Variants in TRPM6 observed in about 807,000 individuals in gnomAD.
The protein encoded by TRPM6 is channel kinase 2.
TRPM6 carries 111 observed loss-of-function variants against 247.6 expected under a neutral mutation model. The ratio of observed to expected loss-of-function variants is 0.45; its 90% CI spans 0.38 to 0.52. The LOEUF is 0.52. TRPM6 is among the 20% of genes least tolerant of loss of function. The pLI, the probability that TRPM6 is intolerant of heterozygous loss-of-function variation, is 0.00. For missense variants in TRPM6, 2,126 were observed against 2,421.5 expected (o/e 0.88, Z 2.56); for synonymous variants, 892 against 853.8 (o/e 1.04, Z -0.78).
Position 74,748,029 on chromosome 9 carries a change from A to T in TRPM6, c.5058-115T>A, listed in dbSNP as rs1826111875. ...AACACAAAGTATATATTTTATATAC[A>T]TGTGAAATACATATACAGTCATGTA... On this transcript the variant is annotated intron_variant, in intron 30 of 38. Coordinates refer to ENST00000360774, the MANE Select transcript of TRPM6 (RefSeq NM_017662.5). 10 of 964,454 alleles carry T rather than the reference A, an allele frequency of 1.0e-5. No homozygotes were observed. The East Asian group carries it at 1.7e-4, about 17-fold the overall frequency. 59.7% of individuals were successfully genotyped at this position (964,454 alleles called of 1,614,324 possible).
chr9:74,833,068 A>T (rs1417023320), intron 6 of TRPM6, among the ~76,000 whole-genome samples: 1 of 151,920 alleles, frequency 6.6e-6, no homozygotes, highest in African/African-American at 2.4e-5. Context: ...AAAAAAAAAA[A>T]TTTAAAACAA....
At chr9:74,823,862 A>G (rs192779235) in intron 7 of TRPM6, among the ~76,000 whole-genome samples, 348 of 152,244 alleles carry the variant, frequency 2.3e-3, no homozygotes, top group African/African-American at 8.1e-3. Context: ...GGGAAAAACT[A>G]CAAAAGAAGC....
At chr9:74,816,465 G>GAAAAAAA (rs34100441) in intron 11 of TRPM6, among the ~76,000 whole-genome samples, 1 of 93,644 alleles carries the variant, frequency 1.1e-5, no homozygotes, top group African/African-American at 4.1e-5. Flanking sequence ...GCAGAGCCAG[G>GAAAAAAA]AAAAAAAAAA....
chr9:74,755,535 C>T, intron 27 of TRPM6, 62 bp from the exon 28 acceptor site: 1 of 1,604,628 alleles, frequency 6.2e-7, no homozygotes, highest in Non-Finnish European at 8.5e-7. Flanking sequence ...GTGAGTCACA[C>T]TAACAGAAGC....
chr9:74,881,148 T>C (rs899603160), intron 1 of TRPM6, among the ~76,000 whole-genome samples: 1 of 151,778 alleles, frequency 6.6e-6, no homozygotes, highest in African/African-American at 2.4e-5. Context: ...ATTTTTTTAA[T>C]TGAAAAAAAA....
At chr9:74,868,325 T>A (rs1037280979) in intron 1 of TRPM6, among the ~76,000 whole-genome samples, 7 of 148,002 alleles carry the variant, frequency 4.7e-5, no homozygotes, top group African/African-American at 1.7e-4. Context: ...TGAAACCCCA[T>A]CTCTACTGAA....
Position 74,757,871 on chromosome 9 carries a change from C to T in TRPM6, c.4786-2398G>A, listed in dbSNP as rs369190174. Among the ~76,000 whole-genome samples, 106 of 152,190 alleles carry T rather than the reference C, an allele frequency of 7.0e-4. 4 individuals are homozygous for T. The South Asian group carries it at 9.5e-3, about 14-fold the overall frequency. On this transcript the variant is annotated intron_variant, in intron 27 of 38. Transcript: ENST00000360774. ...GAGGTTGCAGTGATCCAAGATCAAG[C>T]CACTGCACTCCAGCCTAGGCGACAG...
intron 31 of TRPM6, among the ~76,000 whole-genome samples, chr9:74,746,720 G>C (rs1218061489): frequency 6.6e-6 from 1 of 151,590 alleles, no homozygotes; most frequent in Non-Finnish European, 1.5e-5. Flanking sequence ...ATCAGACTAA[G>C]ACAAACTCAA....
At chr9:74,859,267 A>G in intron 1 of TRPM6, among the ~76,000 whole-genome samples, 1 of 152,192 alleles carries the variant, frequency 6.6e-6, no homozygotes, top group East Asian at 1.9e-4. Flanking sequence ...CAGGTTGCAC[A>G]GCCTAGAACT....
rs1826897721 is a variant in TRPM6, at chr9:74,768,333, G to A, written c.3536+3370C>T. Among the ~76,000 whole-genome samples, 3 of 152,092 alleles carry A rather than the reference G, an allele frequency of 2.0e-5. 1 individual carries two copies. The South Asian group carries it at 6.2e-4, about 32-fold the overall frequency. On this transcript the variant is annotated intron_variant, in intron 25 of 38. Coordinates refer to ENST00000360774, the MANE Select transcript of TRPM6 (RefSeq NM_017662.5). ...CTTCCTGGGCATAATCGCTTCCTCT[G>A]TCATACTTTTAGTTTCCTACAATAG...
chr9:74,840,273 G>C, intron 4 of TRPM6, 36 bp from the exon 5 acceptor site: 1 of 1,497,560 alleles, frequency 6.7e-7, no homozygotes, highest in Non-Finnish European at 9.3e-7. Flanking sequence ...ACAGAACATT[G>C]TAAAAAAGTT....
intron 17 of TRPM6, 61 bp downstream of exon 17, chr9:74,800,193 G>T (rs1413237618): frequency 2.1e-6 from 3 of 1,456,958 alleles, no homozygotes; most frequent in Admixed American, 1.7e-5. Flanking sequence ...AATGTAACTC[G>T]AGTACAGAAT....
chr9:74,842,858 C>T (rs1284076701), intron 3 of TRPM6, among the ~76,000 whole-genome samples: 3 of 152,182 alleles, frequency 2.0e-5, no homozygotes, highest in Admixed American at 6.5e-5. Flanking sequence ...TTGATGGTTG[C>T]TAACTGATCA....
intron 5 of TRPM6, among the ~76,000 whole-genome samples, chr9:74,836,135 C>A (rs141622486): frequency 7.9e-5 from 12 of 152,258 alleles, no homozygotes; most frequent in African/African-American, 1.7e-4. Flanking sequence ...CCCTCTCCCC[C>A]CTCAGCTCCT....
chr9:74,863,612 C>T (rs992077740), intron 1 of TRPM6, among the ~76,000 whole-genome samples: 2 of 151,928 alleles, frequency 1.3e-5, no homozygotes, highest in Non-Finnish European at 2.9e-5. Flanking sequence ...GACGGAGTCT[C>T]GCTCTGTCTC....
At chr9:74,807,231 C>T (rs1447281441) in intron 14 of TRPM6, among the ~76,000 whole-genome samples, 2 of 152,178 alleles carry the variant, frequency 1.3e-5, no homozygotes, top group Non-Finnish European at 2.9e-5. Context: ...TTACCCCAAA[C>T]TGCCTTTCCA....
Position 74,842,173 on chromosome 9 carries a change from T to A in TRPM6, c.323A>T (p.His108Leu). The change falls in exon 4 of 39, where the codon CAT becomes CTT. Residue 108 changes from histidine to leucine, a missense_variant. His to Leu is a moderately conservative substitution (Grantham distance 99). Around this residue, in one of 3 missense-constraint regions of TRPM6, gnomAD observed 1,082 missense variants for 1,307.9 expected, o/e 0.83. Coordinates refer to ENST00000360774, the MANE Select transcript of TRPM6 (RefSeq NM_017662.5). ...TTTGGGTTATTAGCAAACCTTGGCATGATGGGTGTGCTCTCCATCTTGGAA... is the reference window on the plus strand; with the variant it reads ...TTTGGGTTATTAGCAAACCTTGGCAAGATGGGTGTGCTCTCCATCTTGGAA... ...INFQDGEHTH[H>L]AKYIRTSYDT... 6.2e-7 allele frequency: 1 copy of A among 1,613,690 alleles called. No individual in the cohort carries two copies. The highest frequency in any genetic ancestry group is 8.5e-7 in the Non-Finnish European group (1 of 1,179,902).
At chr9:74,742,071 G>A (rs745750843) in intron 33 of TRPM6, among the ~76,000 whole-genome samples, 10 of 152,094 alleles carry the variant, frequency 6.6e-5, no homozygotes, top group African/African-American at 1.2e-4. Context: ...TTTAGCCAGG[G>A]TGAGATTGTT....
Position 74,785,939 on chromosome 9 carries a change from G to T in TRPM6, c.2854C>A (p.Arg952=). Residue 952 remains arginine, a synonymous_variant, in exon 21 of 39, where the codon CGG becomes AGG. Coordinates refer to ENST00000360774, the MANE Select transcript of TRPM6 (RefSeq NM_017662.5). ...YCIDIIFWFS[R]LLDFFAVNQH... is the part of the protein sequence containing the mutation. ...TTCACAGCAAAGAAGTCCAGGAGCC[G>T]TGAGAACCAGAATATGATGTCTATG... 6.2e-7 allele frequency: 1 copy of T among 1,614,204 alleles called. No individual in the cohort carries two copies. Among genetic ancestry groups the T allele is most frequent in the African/African-American group, 1.3e-5 (1 of 75,050 alleles).
Sources: allele counts gnomAD v4.1 joint callset (sites outside exome capture counted in the v4.1 genomes callset), GRCh38; gene constraint gnomAD v4.1.1; regional missense constraint gnomAD v4.1.1; transcripts MANE v1.5; gene names NCBI Gene and HGNC (gene_info 2026-07-23, HGNC 2026-07-21).